The following NCAM1 variants were observed in gnomAD, a reference collection of about 807,000 sequenced individuals.
The protein encoded by NCAM1 is antigen recognized by monoclonal antibody 5.1H11.
Under a neutral mutation model 109.8 loss-of-function variants are expected in NCAM1, and 14 were observed. That is an observed-to-expected ratio of 0.13 (90% CI 0.08 to 0.20). The LOEUF (loss-of-function observed/expected upper bound fraction) is 0.20. Ranked by LOEUF, NCAM1 falls within the 10% of genes least tolerant of loss-of-function variation. NCAM1 has a pLI of 1.00. For synonymous variants in NCAM1, 418 were observed against 442.9 expected, an observed-to-expected ratio of 0.94 and a Z score of 0.70; for missense variants, 774 against 1,109.9, an observed-to-expected ratio of 0.70 and a Z score of 4.30.
chr11:113,187,537 G>A (rs575939341), intron 1 of NCAM1, among the ~76,000 whole-genome samples: 19 of 146,416 alleles, frequency 1.3e-4, no homozygotes, highest in African/African-American at 4.8e-4. Context: ...TGTACACTGA[G>A]GATCTGTGTG....
intron 1 of NCAM1, among the ~76,000 whole-genome samples, chr11:113,077,621 TC>T: frequency 6.6e-6 from 1 of 152,182 alleles, no homozygotes; most frequent in African/African-American, 2.4e-5. Flanking sequence ...TTTCCTTATC[TC>T]ATCCAACATG....
At chr11:113,216,493 AAC>A (rs1944537678) in intron 8 of NCAM1, among the ~76,000 whole-genome samples, 1 of 152,170 alleles carries the variant, frequency 6.6e-6, no homozygotes, top group African/African-American at 2.4e-5. Flanking sequence ...CAGGAACTAA[AAC>A]ACATTCATAC....
chr11:113,041,419 C>A (rs911992469), intron 1 of NCAM1, among the ~76,000 whole-genome samples: 1 of 150,710 alleles, frequency 6.6e-6, no homozygotes, highest in Non-Finnish European at 1.5e-5. Flanking sequence ...ATGAATTGAC[C>A]ATTAGGTTAT....
At chr11:113,207,513 T>C in intron 6 of NCAM1, 135 bp downstream of exon 6, 1 of 731,248 alleles carries the variant, frequency 1.4e-6, no homozygotes, top group Non-Finnish European at 2.2e-6. Context: ...GAATGGACTC[T>C]TTTCTATAAG....
At chr11:113,088,324 C>A (rs782060060) in intron 1 of NCAM1, among the ~76,000 whole-genome samples, 1 of 152,122 alleles carries the variant, frequency 6.6e-6, no homozygotes, top group Non-Finnish European at 1.5e-5. Flanking sequence ...GATGGTAATT[C>A]GGGCTAATGC....
intron 1 of NCAM1, among the ~76,000 whole-genome samples, chr11:113,094,913 T>C (rs1555090047): frequency 6.6e-6 from 1 of 152,228 alleles, no homozygotes; most frequent in Non-Finnish European, 1.5e-5. Flanking sequence ...TTATTTCATA[T>C]GCAAACAGCC....
At chr11:113,131,464 T>C in intron 1 of NCAM1, among the ~76,000 whole-genome samples, 1 of 152,138 alleles carries the variant, frequency 6.6e-6, no homozygotes, top group East Asian at 1.9e-4. Flanking sequence ...GCAGAAGAGC[T>C]TAAAAGAGAA....
At chr11:113,265,032 C>G (rs941870505) in intron 17 of NCAM1, 1 of 985,308 alleles carries the variant, frequency 1.0e-6, no homozygotes, top group Admixed American at 6.2e-5. Flanking sequence ...TGCCCATGCT[C>G]CACACACCAT....
intron 1 of NCAM1, among the ~76,000 whole-genome samples, chr11:113,019,777 C>T (rs1555075915): frequency 6.6e-6 from 1 of 152,194 alleles, no homozygotes; most frequent in African/African-American, 2.4e-5. Flanking sequence ...ATATAGAACT[C>T]ATTAACTTTC....
chr11:113,123,540 C>T (rs1234744175), intron 1 of NCAM1, among the ~76,000 whole-genome samples: 2 of 152,188 alleles, frequency 1.3e-5, no homozygotes, highest in Non-Finnish European at 2.9e-5. Flanking sequence ...GTGTCTCTCA[C>T]ACCACTGACC....
At chr11:113,039,038 T>A (rs1251653750) in intron 1 of NCAM1, among the ~76,000 whole-genome samples, 16 of 152,202 alleles carry the variant, frequency 1.1e-4, no homozygotes, top group Non-Finnish European at 1.9e-4. Context: ...TAGATTTACA[T>A]GGAAAAAAAT....
chr11:113,039,645 A>G (rs1953007405), intron 1 of NCAM1, among the ~76,000 whole-genome samples: 2 of 152,228 alleles, frequency 1.3e-5, no homozygotes, highest in Non-Finnish European at 2.9e-5. Flanking sequence ...CTGGAGAAAT[A>G]TAATTTTCAG....
Position 113,277,290 on chromosome 11 carries a change from CTG to C in NCAM1, c.*1906_*1907del, listed in dbSNP as rs1565546218. ...GGCGATGCTAGATTATAATTTCAAACTGTGAAGAATAATGGTCTTGTCATTTG... is the reference window on the plus strand; with the variant it reads ...GGCGATGCTAGATTATAATTTCAAACTGAAGAATAATGGTCTTGTCATTTG... On this transcript the variant is annotated 3_prime_UTR_variant, in exon 20 of 20. Transcript: ENST00000316851. 2.5e-6 allele frequency: 1 copy of C among 398,916 alleles called. No individual in the cohort carries two copies. 24.7% of individuals were successfully genotyped at this position (398,916 alleles called of 1,614,324 possible). A position where few individuals can be genotyped will look rare whatever the true frequency, so the allele number is the denominator to read the frequency against.
intron 1 of NCAM1, among the ~76,000 whole-genome samples, chr11:113,182,813 C>T (rs1278366069): frequency 6.6e-6 from 1 of 152,214 alleles, no homozygotes; most frequent in East Asian, 1.9e-4. Context: ...ATTCCAGGAC[C>T]TCAGGCTTAC....
intron 17 of NCAM1, chr11:113,263,136 G>T: frequency 6.5e-6 from 8 of 1,232,180 alleles, no homozygotes; most frequent in Non-Finnish European, 8.1e-6. Context: ...TAAGGAGTTT[G>T]CCCCCTTTTT....
chr11:113,026,145 A>G (rs1456737466), intron 1 of NCAM1, among the ~76,000 whole-genome samples: 1 of 152,204 alleles, frequency 6.6e-6, no homozygotes, highest in Admixed American at 6.5e-5. Context: ...AATTAATTTG[A>G]AAAAACTCCA....
intron 1 of NCAM1, among the ~76,000 whole-genome samples, chr11:112,979,379 G>T (rs1951091400): frequency 6.6e-6 from 1 of 151,780 alleles, no homozygotes; most frequent in Admixed American, 6.6e-5. Context: ...GACAAATTTA[G>T]TTATAAATCA....
chr11:113,154,208 G>T, intron 1 of NCAM1, among the ~76,000 whole-genome samples: 1 of 152,200 alleles, frequency 6.6e-6, no homozygotes, highest in Non-Finnish European at 1.5e-5. Flanking sequence ...TTTCTGGTGG[G>T]TTGAGGAACA....
intron 1 of NCAM1, among the ~76,000 whole-genome samples, chr11:113,131,380 C>G (rs1941374752): frequency 6.6e-6 from 1 of 152,136 alleles, no homozygotes; most frequent in African/African-American, 2.4e-5. Context: ...TGTGCCTCCT[C>G]ACTGGGCTTC....
Sources: allele counts gnomAD v4.1 joint callset (sites outside exome capture counted in the v4.1 genomes callset), GRCh38; gene constraint gnomAD v4.1.1; transcripts MANE v1.5; gene names NCBI Gene and HGNC (gene_info 2026-07-23, HGNC 2026-07-21).